The following BLOC1S5 variants were observed in gnomAD, a reference collection of about 807,000 sequenced individuals.
BLOC1S5 encodes biogenesis of lysosomal organelles complex 1 subunit 5.
A neutral mutation model predicts 24.3 loss-of-function variants in BLOC1S5; 27 were observed. The ratio of observed to expected loss-of-function variants is 1.11; its 90% confidence interval spans 0.82 to 1.53. The LOEUF is 1.53. Among genes scored for constraint, BLOC1S5 ranks in the 40% most tolerant of loss-of-function variants. The pLI is 0.00. For missense variants in BLOC1S5, 239 were observed against 229.4 expected, an observed-to-expected ratio of 1.04 and a Z score of -0.27; for synonymous variants, 84 against 74.5, an observed-to-expected ratio of 1.13 and a Z score of -0.66.
intron 3 of BLOC1S5, among the ~76,000 whole-genome samples, chr6:8,039,429 T>C (rs1475328629): frequency 6.6e-6 from 1 of 152,114 alleles, no homozygotes; most frequent in Non-Finnish European, 1.5e-5. Context: ...TCAAAATAGC[T>C]AGAAGAGAAT....
rs183356383 is a variant in BLOC1S5 at position 8,042,637 on chromosome 6, T to G, written c.196-1369A>C. Among the ~76,000 whole-genome samples, 1,192 of 152,276 alleles carry G rather than the reference T, an allele frequency of 7.8e-3. 16 individuals are homozygous for G. The highest frequency in any genetic ancestry group is 0.027 in the African/African-American group (1,110 of 41,532). ...AACATTATGAGATTTTTTTGTGATTTTTTTTCTTTTTTAGCTCATCAGCTA... is the reference window on the plus strand; with the variant it reads ...AACATTATGAGATTTTTTTGTGATTGTTTTTCTTTTTTAGCTCATCAGCTA... On this transcript the variant is annotated intron_variant, in intron 2 of 4. Coordinates refer to ENST00000397457, the MANE Select transcript of BLOC1S5 (RefSeq NM_201280.3).
At chr6:8,018,437 T>A (rs928124407) in intron 4 of BLOC1S5, among the ~76,000 whole-genome samples, 1 of 152,252 alleles carries the variant, frequency 6.6e-6, no homozygotes, top group African/African-American at 2.4e-5. Flanking sequence ...TCTTTGTAAA[T>A]GGAAAGTCAT....
chr6:8,044,255 G>A (rs939802984), intron 2 of BLOC1S5, among the ~76,000 whole-genome samples: 2 of 130,682 alleles, frequency 1.5e-5, no homozygotes, highest in Non-Finnish European at 3.1e-5. Context: ...CTGCTCTCCA[G>A]CCTGGGCGAC....
intron 3 of BLOC1S5, among the ~76,000 whole-genome samples, chr6:8,028,484 T>C (rs1763183048): frequency 6.6e-6 from 1 of 152,164 alleles, no homozygotes; most frequent in South Asian, 2.1e-4. Context: ...CCCCACTGGC[T>C]CTGAGAACAT....
intron 2 of BLOC1S5, among the ~76,000 whole-genome samples, chr6:8,058,645 G>C (rs1009009423): frequency 6.6e-6 from 1 of 152,100 alleles, no homozygotes; most frequent in Admixed American, 6.6e-5. Flanking sequence ...AGCCATGATC[G>C]TGCCACTGCA....
chr6:8,017,428 C>G (rs1762782941), intron 4 of BLOC1S5, among the ~76,000 whole-genome samples: 2 of 151,990 alleles, frequency 1.3e-5, no homozygotes, highest in Non-Finnish European at 1.5e-5. Flanking sequence ...CCCGAAGTCA[C>G]TGTTAATTTT....
chr6:8,029,851 T>C (rs1037172480), intron 3 of BLOC1S5, among the ~76,000 whole-genome samples: 1 of 152,144 alleles, frequency 6.6e-6, no homozygotes, highest in Non-Finnish European at 1.5e-5. Flanking sequence ...AAAAGAAATC[T>C]GCAGGTAAAA....
At chr6:8,050,553 G>A (rs535364315) in intron 2 of BLOC1S5, among the ~76,000 whole-genome samples, 14 of 152,074 alleles carry the variant, frequency 9.2e-5, no homozygotes, top group East Asian at 7.8e-4. Context: ...GGATGAACGC[G>A]AGGCCTTTTG....
At chr6:8,057,025 T>C (rs1764333570) in intron 2 of BLOC1S5, among the ~76,000 whole-genome samples, 1 of 152,146 alleles carries the variant, frequency 6.6e-6, no homozygotes, top group South Asian at 2.1e-4. Flanking sequence ...AAGACCAGCC[T>C]GGCCAACATG....
chr6:8,047,160 TCACACACACA>T (rs57923927), intron 2 of BLOC1S5, among the ~76,000 whole-genome samples: 51,778 of 126,672 alleles, frequency 0.41, 10,737 homozygotes, highest in East Asian at 0.6. Flanking sequence ...TCTCTCTCTC[TCACACACACA>T]CACACACACA....
chr6:8,047,965 C>G (rs570059127), intron 2 of BLOC1S5, among the ~76,000 whole-genome samples: 1 of 152,282 alleles, frequency 6.6e-6, no homozygotes, highest in African/African-American at 2.4e-5. Flanking sequence ...TTCTTTCTCC[C>G]GTATTTACCA....
intron 4 of BLOC1S5, among the ~76,000 whole-genome samples, chr6:8,020,548 T>C (rs1173025240): frequency 2.6e-5 from 4 of 152,172 alleles, no homozygotes; most frequent in African/African-American, 9.7e-5. Flanking sequence ...TGAGTTTCTC[T>C]GGAAATCATT....
intron 2 of BLOC1S5, among the ~76,000 whole-genome samples, chr6:8,041,655 C>T (rs12111007): frequency 0.045 from 5,064 of 111,884 alleles, 379 homozygotes; most frequent in African/African-American, 0.15. Context: ...TTCTTTCTTT[C>T]TTTTTTTTTG....
At chr6:8,063,893 C>G (rs755696136) in intron 1 of BLOC1S5, among the ~76,000 whole-genome samples, 1 of 152,212 alleles carries the variant, frequency 6.6e-6, no homozygotes, top group Non-Finnish European at 1.5e-5. Context: ...GCCAGTGACC[C>G]GAAGTCACTC....
chr6:8,040,563 A>G (rs141929619), intron 3 of BLOC1S5, among the ~76,000 whole-genome samples: 1 of 152,364 alleles, frequency 6.6e-6, no homozygotes, highest in East Asian at 1.9e-4. Context: ...ATTGTAGTCA[A>G]GAACCGAGAT....
intron 3 of BLOC1S5, chr6:8,027,478 G>A (rs879208779): frequency 2.2e-5 from 10 of 453,498 alleles, no homozygotes; most frequent in South Asian, 1.6e-4. Context: ...TACATACTAT[G>A]CTTAAAAGTA....
At chr6:8,028,776 T>C (rs1246460196) in intron 3 of BLOC1S5, among the ~76,000 whole-genome samples, 1 of 151,412 alleles carries the variant, frequency 6.6e-6, no homozygotes, top group Non-Finnish European at 1.5e-5. Flanking sequence ...TCTGAATTTA[T>C]GAAATTTGCT....
chr6:8,041,651 C>CTTTTT (rs1423781176), intron 2 of BLOC1S5, among the ~76,000 whole-genome samples: 8 of 48,704 alleles, frequency 1.6e-4, no homozygotes, highest in East Asian at 6.7e-3. Flanking sequence ...TTCTTTCTTT[C>CTTTTT]TTTCTTTTTT....
intron 3 of BLOC1S5, among the ~76,000 whole-genome samples, 155 bp downstream of exon 3, chr6:8,040,984 T>C (rs1337140673): frequency 1.3e-5 from 2 of 152,248 alleles, no homozygotes; most frequent in East Asian, 1.9e-4. Context: ...TGGAGATTAA[T>C]TAATGGCAAC....
Sources: gnomAD v4.1 joint callset for allele counts (sites outside exome capture counted in the v4.1 genomes callset) on GRCh38, gnomAD v4.1.1 for gene constraint, MANE v1.5 for transcripts, NCBI Gene and HGNC (gene_info 2026-07-23, HGNC 2026-07-21) for gene names.